CSMD1: variants seen among roughly 807,000 people sequenced by gnomAD.
CSMD1 encodes CUB and sushi domain-containing protein 1.
In CSMD1, 213 loss-of-function variants were observed where a neutral mutation model predicts 417.5. The observed-to-expected ratio is 0.51, with a 90% CI of 0.46 to 0.57. The LOEUF (loss-of-function observed/expected upper bound fraction) is 0.57. Among genes scored for constraint, CSMD1 ranks in the 20% least tolerant of loss-of-function variants. The pLI is 0.00. For synonymous variants in CSMD1, 2,862 were observed against 1,736.8 expected, an observed-to-expected ratio of 1.65 and a Z score of -16.11; for missense variants, 6,923 against 4,529.7, an observed-to-expected ratio of 1.53 and a Z score of -15.17.
At chr8:3,534,778 T>G (rs1022735664) in intron 10 of CSMD1, among the ~76,000 whole-genome samples, 1 of 152,196 alleles carries the variant, frequency 6.6e-6, no homozygotes, top group Non-Finnish European at 1.5e-5. Context: ...TAAGATTACT[T>G]TATTTCCTTG....
chr8:4,837,784 A>C (rs1800587807), intron 1 of CSMD1, among the ~76,000 whole-genome samples: 1 of 152,156 alleles, frequency 6.6e-6, no homozygotes, highest in Non-Finnish European at 1.5e-5. Context: ...CAAAGGATAA[A>C]TGCCGGCTGG....
intron 3 of CSMD1, among the ~76,000 whole-genome samples, chr8:4,349,557 T>C (rs916277214): frequency 6.6e-6 from 1 of 152,162 alleles, no homozygotes; most frequent in African/African-American, 2.4e-5. Context: ...TTTTTTATAT[T>C]AGGTGACATA....
intron 26 of CSMD1, among the ~76,000 whole-genome samples, chr8:3,241,965 A>C (rs898626685): frequency 1.5e-5 from 2 of 136,392 alleles, no homozygotes; most frequent in Non-Finnish European, 3.2e-5. Flanking sequence ...ATTGAGAATA[A>C]GACGGCCTTT....
chr8:4,116,196 G>C (rs550718646), intron 3 of CSMD1, among the ~76,000 whole-genome samples: 4 of 151,782 alleles, frequency 2.6e-5, no homozygotes, highest in Non-Finnish European at 4.4e-5. Flanking sequence ...GTTTCCCCAT[G>C]TTGGCCAGGC....
At chr8:3,926,035 A>ACACACC (rs1809646839) in intron 5 of CSMD1, among the ~76,000 whole-genome samples, 1 of 128,724 alleles carries the variant, frequency 7.8e-6, no homozygotes, top group South Asian at 2.4e-4. Flanking sequence ...ACACACACAC[A>ACACACC]CACACACAAA....
intron 51 of CSMD1, among the ~76,000 whole-genome samples, chr8:3,022,350 C>T (rs1458319917): frequency 5.2e-4 from 75 of 144,628 alleles, no homozygotes; most frequent in African/African-American, 1.6e-3. Context: ...GGAATGCACC[C>T]GCAATCCCAC....
chr8:3,019,040 C>G (rs1257768211), intron 51 of CSMD1, among the ~76,000 whole-genome samples: 1 of 152,166 alleles, frequency 6.6e-6, no homozygotes, highest in East Asian at 1.9e-4. Flanking sequence ...CCCTCAGCCT[C>G]CCGAGTAGCT....
Position 3,284,281 on chromosome 8 carries a change from A to C in CSMD1, c.4016T>G (p.Val1339Gly). 1 of 1,613,934 alleles carries C rather than the reference A, an allele frequency of 6.2e-7. No homozygotes were observed. The highest frequency in any genetic ancestry group is 1.7e-4 in the Middle Eastern group (1 of 6,058). Residue 1339 changes from valine (V) to glycine (G), a missense_variant, in exon 26 of 70, where the codon GTG (valine) becomes GGG (glycine). Physicochemically the swap from Val to Gly is moderately radical, Grantham distance 109 (BLOSUM62 -3). Transcript: ENST00000635120. ...HDILKVWDGP[V>G]DSDILLKEWS... ...CTCCTTCAGCAGGATGTCACTGTCC[A>C]CCGGCCCGTCCCAGACCTTGAGGAT...
intron 15 of CSMD1, 121 bp downstream of exon 15, chr8:3,405,906 T>A: frequency 7.1e-6 from 6 of 849,448 alleles, no homozygotes; most frequent in Non-Finnish European, 1.1e-5. Context: ...GTTAAGTGAC[T>A]GTGTGTGGTA....
At chr8:3,708,385 A>G (rs553578953) in intron 7 of CSMD1, 29 bp downstream of exon 7, 12 of 1,598,630 alleles carry the variant, frequency 7.5e-6, no homozygotes, top group African/African-American at 6.7e-5. Flanking sequence ...GGGCGTATCA[A>G]TCCTCAGATA....
At chr8:3,466,682 G>A (rs1563066372) in intron 12 of CSMD1, among the ~76,000 whole-genome samples, 2 of 150,890 alleles carry the variant, frequency 1.3e-5, no homozygotes, top group South Asian at 4.2e-4. Context: ...GCCTGCCTTG[G>A]TCTCCCAAAG....
intron 26 of CSMD1, among the ~76,000 whole-genome samples, chr8:3,249,516 A>T (rs957754309): frequency 6.6e-6 from 1 of 152,138 alleles, no homozygotes; most frequent in African/African-American, 2.4e-5. Flanking sequence ...GAGCCATGGC[A>T]CCCGGCCTGT....
intron 2 of CSMD1, among the ~76,000 whole-genome samples, chr8:4,497,941 G>A (rs1802059133): frequency 6.6e-6 from 1 of 152,142 alleles, no homozygotes; most frequent in African/African-American, 2.4e-5. Flanking sequence ...ACCTGCAACT[G>A]CCCGTGGGGT....
chr8:4,154,822 C>T lies in CSMD1; in HGVS notation c.416-122723G>A, dbSNP rs564186959. 5.9e-5 allele frequency among the ~76,000 whole-genome samples: 9 copies of T among 152,084 alleles called. No individual in the cohort carries two copies. In the South Asian group the frequency reaches 8.3e-4, roughly 14 times the overall value. ...AGACTGAATGTTGGAAAGAGAGGCA[C>T]GATTATAAATTAGTGAAAGCTTTCT... On this transcript the variant is annotated intron_variant, in intron 3 of 69. Coordinates refer to ENST00000635120, the MANE Select transcript of CSMD1 (RefSeq NM_033225.6).
chr8:3,129,148 C>G (rs951778670), intron 41 of CSMD1, among the ~76,000 whole-genome samples: 8 of 152,120 alleles, frequency 5.3e-5, no homozygotes, highest in African/African-American at 1.9e-4. Context: ...TGCCAGGGTT[C>G]TCTCCTACGT....
At chr8:4,600,540 C>A (rs1800525684) in intron 2 of CSMD1, among the ~76,000 whole-genome samples, 1 of 152,150 alleles carries the variant, frequency 6.6e-6, no homozygotes, top group African/African-American at 2.4e-5. Flanking sequence ...TAAATGAACA[C>A]AGTTGATTAT....
intron 3 of CSMD1, among the ~76,000 whole-genome samples, chr8:4,226,600 C>A (rs1292727758): frequency 1.3e-5 from 2 of 152,076 alleles, no homozygotes; most frequent in African/African-American, 4.8e-5. Context: ...CTGTATTTTT[C>A]TGCATTGATA....
At chr8:4,491,380 G>C (rs993660192) in intron 2 of CSMD1, among the ~76,000 whole-genome samples, 2 of 152,080 alleles carry the variant, frequency 1.3e-5, no homozygotes, top group Non-Finnish European at 2.9e-5. Flanking sequence ...CCATTATAGC[G>C]ATCAGCCCTG....
At chr8:2,991,636 T>A (rs1238632168) in intron 54 of CSMD1, among the ~76,000 whole-genome samples, 1 of 152,236 alleles carries the variant, frequency 6.6e-6, no homozygotes, top group Non-Finnish European at 1.5e-5. Context: ...ATTAATTGAT[T>A]AATGAAACAT....
Sources: allele counts gnomAD v4.1 joint callset (sites outside exome capture counted in the v4.1 genomes callset), GRCh38; gene constraint gnomAD v4.1.1; transcripts MANE v1.5; gene names NCBI Gene and HGNC (gene_info 2026-07-23, HGNC 2026-07-21).